Variants in THBS1 observed in about 807,000 individuals in gnomAD.
THBS1 encodes thrombospondin-1.
Under a neutral mutation model 126.1 loss-of-function variants are expected in THBS1, and 29 were observed. That is an observed-to-expected ratio of 0.23 (90% CI 0.17 to 0.31). The LOEUF (loss-of-function observed/expected upper bound fraction) is 0.31. Ranked by LOEUF, THBS1 falls within the 10% of genes least tolerant of loss-of-function variation. THBS1 has a pLI of 1.00. For synonymous variants in THBS1, 496 were observed against 577.8 expected, an observed-to-expected ratio of 0.86 and a Z score of 2.03; for missense variants, 1,198 against 1,545.2, an observed-to-expected ratio of 0.78 and a Z score of 3.77.
In THBS1 at chr15:39,585,559, T is replaced by C. The variant is rs1332340298; in HGVS notation, c.1116T>C (p.Cys372=). The part of the protein sequence containing the change: ...TVPDGECCPR[C]WPSDSADDGW... ...CTGATGGAGAATGCTGTCCTCGCTG[T>C]TGGCGTAAGTTTCTCAAATGGCATA... is the stretch of plus-strand genomic sequence containing the variant. Residue 372 remains cysteine (C), a synonymous_variant, in exon 7 of 22, where the codon TGT becomes TGC. Coordinates refer to ENST00000260356, the MANE Select transcript of THBS1 (RefSeq NM_003246.4). 6.2e-7 allele frequency: 1 copy of C among 1,613,902 alleles called. No homozygotes were observed. The highest frequency in any genetic ancestry group is 2.2e-5 in the East Asian group (1 of 44,884).
intron 10 of THBS1, 65 bp downstream of exon 10, chr15:39,588,764 A>G: frequency 6.4e-7 from 1 of 1,553,724 alleles, no homozygotes; most frequent in South Asian, 1.2e-5. Context: ...TGCTGCAGTC[A>G]GCATTCGAGG....
Position 39,588,658 on chromosome 15 carries a change from T to C in THBS1, c.1604T>C (p.Val535Ala). The C allele has an allele frequency of 6.2e-7, 1 of 1,603,556 alleles. No homozygotes were observed. Among genetic ancestry groups the C allele is most frequent in the East Asian group, 2.2e-5 (1 of 44,814 alleles). The change falls in exon 10 of 22, where the codon GTA becomes GCA. Residue 535 changes from valine to alanine, a missense_variant. By Grantham distance (64) the Val-to-Ala change is moderately conservative. Transcript: ENST00000260356. ...QFGGKDCVGD[V>A]TENQICNKQD... ...GGAGGCAAGGACTGCGTTGGTGATG[T>C]AACAGAAAACCAGATCTGCAACAAG...
chr15:39,587,942 T>C lies in THBS1; in HGVS notation c.1295-100T>C, dbSNP rs534390830. On this transcript the variant is annotated intron_variant, in intron 8 of 21. Coordinates refer to ENST00000260356, the MANE Select transcript of THBS1 (RefSeq NM_003246.4). ...ACCGTACACTGGGTTTAGTTGCCAT[T>C]GACCATTTCCTGGAAATACTTCTGC... 338 of 1,229,956 alleles carry C rather than the reference T, an allele frequency of 2.7e-4. 1 individual carries two copies. In the African/African-American group the frequency reaches 4.6e-3, roughly 17 times the overall value. The allele number at this position is 1,229,956 out of a possible 1,614,324, so 76.2% of individuals were successfully genotyped here. A position where few individuals can be genotyped will look rare whatever the true frequency, so the allele number is the denominator to read the frequency against.
intron 6 of THBS1, 119 bp from the exon 7 acceptor site, chr15:39,585,351 C>A: frequency 1.2e-6 from 1 of 802,724 alleles, no homozygotes; most frequent in Non-Finnish European, 2.1e-6. Flanking sequence ...AAAATCATTC[C>A]ACTAGAGCAT....
Position 39,594,304 on chromosome 15 carries a change from G to A in THBS1, c.3369G>A (p.Val1123=). The change falls in exon 21 of 22, where the codon GTG becomes GTA. Residue 1123 remains valine (V), a synonymous_variant. Coordinates refer to ENST00000260356, the MANE Select transcript of THBS1 (RefSeq NM_003246.4). The surrounding 1 kb of genome is among the most constrained non-coding windows in gnomAD (Gnocchi z 4.4). The part of the protein sequence containing the change: ...SHRPKTGFIR[V]VMYEGKKIMA... ...ACAAGATTTTTTTTCCCTGCAGAGT[G>A]GTGATGTATGAAGGGAAGAAAATCA... The A allele has an allele frequency of 6.2e-7, 1 of 1,614,150 alleles. No homozygotes were observed. Among genetic ancestry groups the A allele is most frequent in the Non-Finnish European group, 8.5e-7 (1 of 1,180,020 alleles).
chr15:39,585,319 A>C, intron 6 of THBS1, 151 bp from the exon 7 acceptor site: 1 of 665,386 alleles, frequency 1.5e-6, no homozygotes, highest in Non-Finnish European at 2.6e-6. Context: ...GTGGCTGCAA[A>C]TATGACAGAG....
At chr15:39,588,476 G>A in intron 9 of THBS1, 50 bp from the exon 10 acceptor site, 2 of 1,517,958 alleles carry the variant, frequency 1.3e-6, no homozygotes, top group Non-Finnish European at 1.8e-6. Flanking sequence ...TGACAAGGGA[G>A]GGATTTGAAA....
At chr15:39,586,861 C>G (rs990928534) in intron 7 of THBS1, 5 of 152,542 alleles carry the variant, frequency 3.3e-5, no homozygotes, top group Non-Finnish European at 7.3e-5. Flanking sequence ...CTCAGCTGTA[C>G]TGAGCCAGGC....
At position 39,595,407 on chromosome 15, in the gene THBS1, A is replaced by G. The variant is rs2140352400; in HGVS notation, c.*38A>G. 6.7e-7 allele frequency: 1 copy of G among 1,501,018 alleles called. No individual in the cohort carries two copies. Among genetic ancestry groups the G allele is most frequent in the Non-Finnish European group, 8.9e-7 (1 of 1,123,926 alleles). 93.0% of individuals were successfully genotyped at this position (1,501,018 alleles called of 1,614,324 possible). On this transcript the variant is annotated 3_prime_UTR_variant, in exon 22 of 22. Coordinates refer to ENST00000260356, the MANE Select transcript of THBS1 (RefSeq NM_003246.4). ...TGATTGAAAGACTGATCATAAACCA[A>G]TGCTGGTATTGCACCTTCTGGAACT...
Position 39,585,286 on chromosome 15 carries a change from C to G in THBS1, c.1027-184C>G, listed in dbSNP as rs570892944. Among the ~76,000 whole-genome samples the G allele has an allele frequency of 2.6e-5, 4 of 152,334 alleles. No individual in the cohort carries two copies. The South Asian group carries it at 8.3e-4, about 32-fold the overall frequency. On this transcript the variant is annotated intron_variant, in intron 6 of 21. Transcript: ENST00000260356. ...GAATGGAGTGACACGTAAACTAGCA[C>G]TAGAACTGTCTCTACGATAGTGGTG... is the stretch of plus-strand genomic sequence containing the variant.
Position 39,589,402 on chromosome 15 carries a change from G to A in THBS1, c.1926+48G>A. On this transcript the variant is annotated intron_variant, in intron 12 of 21. Transcript: ENST00000260356. The surrounding 1 kb of genome is among the most constrained non-coding windows in gnomAD (Gnocchi z 4.7). ...ACCAGAGGACAGGAGAGCTGTCCTT[G>A]ACCAAAATAACTGGGAGCGGGAGGA... The A allele has an allele frequency of 6.2e-7, 1 of 1,601,682 alleles. No homozygotes were observed. Among genetic ancestry groups the A allele is most frequent in the Non-Finnish European group, 8.5e-7 (1 of 1,173,262 alleles).
chr15:39,590,503 T>A lies in THBS1; in HGVS notation c.2146-13T>A. ...GGCAACTGAAGCAGTGATATATATC[T>A]TCTCTTTCCTAGGATAATTGCCCCA... On this transcript the variant is annotated splice_polypyrimidine_tract_variant and intron_variant, in intron 13 of 21. Transcript: ENST00000260356. The A allele has an allele frequency of 1.8e-5, 29 of 1,607,392 alleles. No individual in the cohort carries two copies. The highest frequency in any genetic ancestry group is 2.5e-5 in the Non-Finnish European group (29 of 1,175,626).
At chr15:39,591,139 G>T (rs368853809) in intron 14 of THBS1, 52 bp from the exon 15 acceptor site, 28 of 1,589,118 alleles carry the variant, frequency 1.8e-5, no homozygotes, top group Non-Finnish European at 2.3e-5. Context: ...TTTGAGGCTT[G>T]AGCTGTTTTC....
At chr15:39,582,101 C>T in intron 2 of THBS1, 92 bp from the exon 3 acceptor site, 1 of 1,440,974 alleles carries the variant, frequency 6.9e-7, no homozygotes, top group Non-Finnish European at 9.4e-7. Flanking sequence ...GGAGTTTTCA[C>T]CCCAACCCTT....
In THBS1 at chr15:39,598,377, A is replaced by C. The variant is rs1169304590; in HGVS notation, c.*3008A>C. The C allele has an allele frequency of 1.3e-5, 2 of 152,246 alleles. No homozygotes were observed. 9.4% of individuals were successfully genotyped at this position (152,246 alleles called of 1,614,324 possible). On this transcript the variant is annotated 3_prime_UTR_variant, in exon 22 of 22. Coordinates refer to ENST00000260356, the MANE Select transcript of THBS1 (RefSeq NM_003246.4). Reference sequence around the variant, plus strand: ...CAAATCATTTTATAGTACCAAGGTGAAGAAGCAGGAACTAGAAAGTGTTGA... The same window carrying C: ...CAAATCATTTTATAGTACCAAGGTGCAGAAGCAGGAACTAGAAAGTGTTGA...
intron 3 of THBS1, among the ~76,000 whole-genome samples, chr15:39,583,111 C>G (rs1471273023): frequency 1.3e-5 from 2 of 152,216 alleles, no homozygotes; most frequent in African/African-American, 4.8e-5. Flanking sequence ...CAAATGCATT[C>G]CCCCAATTTT....
intron 3 of THBS1, 41 bp downstream of exon 3, chr15:39,582,793 G>A: frequency 6.4e-7 from 1 of 1,555,326 alleles, no homozygotes. Context: ...GGGATCATCT[G>A]CTAGACAGGT....
Position 39,589,068 on chromosome 15 carries a change from G to C in THBS1, c.1755G>C (p.Gln585His), listed in dbSNP as rs1190590625. 2 of 1,614,192 alleles carry C rather than the reference G, an allele frequency of 1.2e-6. No homozygotes were observed. The highest frequency in any genetic ancestry group is 1.1e-5 in the South Asian group (1 of 91,086). ...CPPGYSGNGI[Q>H]CTDVDECKEV... ...CTGGTTACAGTGGAAATGGCATCCA[G>C]TGCACAGATGTTGATGAGGTGAGGA... is the stretch of plus-strand genomic sequence containing the variant. Residue 585 changes from glutamine to histidine, a missense_variant, in exon 11 of 22, where the codon CAG (glutamine) becomes CAC (histidine). Around this residue, in one of 4 missense-constraint regions of THBS1, gnomAD observed 663 missense variants for 860.1 expected, o/e 0.77. Transcript: ENST00000260356. This position sits in a 1 kb window ranked among gnomAD's most constrained non-coding sequence, Gnocchi z 4.7.
In THBS1 at chr15:39,594,102, C is replaced by T. The variant is rs762068138; in HGVS notation, c.3271C>T (p.Arg1091Cys). ...TTTCCTTTTCCTTTTCCTTCAGGTG[C>T]GCACCCTGTGGCATGACCCTCGTCA... ...WHTGNTPGQV[R>C]TLWHDPRHIG... Residue 1091 changes from arginine to cysteine, a missense_variant, in exon 20 of 22, where the codon CGC (arginine) becomes TGC (cysteine). By Grantham distance (180) the Arg-to-Cys change is radical (BLOSUM62 -3). Around this residue, in one of 4 missense-constraint regions of THBS1, gnomAD observed 255 missense variants for 373.9 expected, o/e 0.68. Coordinates refer to ENST00000260356, the MANE Select transcript of THBS1 (RefSeq NM_003246.4). The surrounding 1 kb of genome is among the most constrained non-coding windows in gnomAD (Gnocchi z 4.4). 3.5e-5 allele frequency: 57 copies of T among 1,613,192 alleles called. No homozygotes were observed. Among genetic ancestry groups the T allele is most frequent in the East Asian group, 1.8e-4 (8 of 44,878 alleles).
Sources: allele counts gnomAD v4.1 joint callset (sites outside exome capture counted in the v4.1 genomes callset), GRCh38; gene constraint gnomAD v4.1.1; regional missense constraint gnomAD v4.1.1; non-coding constraint Gnocchi (gnomAD v3.1); transcripts MANE v1.5; gene names NCBI Gene and HGNC (gene_info 2026-07-23, HGNC 2026-07-21).